LMO7: variants seen among roughly 807,000 people sequenced by gnomAD.
LMO7 encodes LIM domain only protein 7.
A neutral mutation model predicts 206.5 loss-of-function variants in LMO7; 120 were observed. The ratio of observed to expected loss-of-function variants is 0.58; its 90% CI spans 0.50 to 0.68. The LOEUF (loss-of-function observed/expected upper bound fraction) is 0.68. Among genes scored for constraint, LMO7 ranks in the 30% least tolerant of loss-of-function variants. The probability of loss-of-function intolerance (pLI) is 0.00; values close to 1 mark genes in which losing one functional copy is unlikely to be tolerated. For missense variants in LMO7, 1,959 were observed against 1,957.9 expected, an observed-to-expected ratio of 1.00 and a Z score of -0.01; for synonymous variants, 706 against 681.5, an observed-to-expected ratio of 1.04 and a Z score of -0.56.
intron 11 of LMO7, among the ~76,000 whole-genome samples, chr13:75,813,573 C>T (rs983241956): frequency 1.3e-5 from 2 of 152,050 alleles, no homozygotes; most frequent in African/African-American, 4.8e-5. Flanking sequence ...CTTTTTGTAC[C>T]CTAGGGAGTG....
chr13:75,854,283 A>G (rs1336728369), intron 28 of LMO7, among the ~76,000 whole-genome samples: 1 of 152,240 alleles, frequency 6.6e-6, no homozygotes, highest in Non-Finnish European at 1.5e-5. Flanking sequence ...CTTTCATAAG[A>G]AAACATGTTT....
intron 3 of LMO7, among the ~76,000 whole-genome samples, chr13:75,740,629 G>T (rs2046334670): frequency 6.6e-6 from 1 of 152,168 alleles, no homozygotes; most frequent in Non-Finnish European, 1.5e-5. Flanking sequence ...TGTTTGAGGA[G>T]AATATCTACC....
At chr13:75,837,138 T>C (rs2059193345) in intron 19 of LMO7, among the ~76,000 whole-genome samples, 1 of 152,224 alleles carries the variant, frequency 6.6e-6, no homozygotes, top group Non-Finnish European at 1.5e-5. Flanking sequence ...CACAGTGCTT[T>C]GGTGGCTTTA....
At position 75,817,148 on chromosome 13, in the gene LMO7, C is replaced by G; in HGVS notation, c.1947-13C>G. 5.0e-6 allele frequency: 8 copies of G among 1,592,830 alleles called. No homozygotes were observed. The highest frequency in any genetic ancestry group is 6.9e-6 in the Non-Finnish European group (8 of 1,161,632). Reference sequence around the variant, plus strand: ...GTGAACTTCCGTAGTAACCATGAGTCTTTTTGTTGTAGGAGTAAGTCCATG... The same window carrying G: ...GTGAACTTCCGTAGTAACCATGAGTGTTTTTGTTGTAGGAGTAAGTCCATG... On this transcript the variant is annotated splice_polypyrimidine_tract_variant and intron_variant, in intron 11 of 30. Coordinates refer to ENST00000377534, the MANE Select transcript of LMO7 (RefSeq NM_001306080.2).
At chr13:75,830,941 C>G (rs1173735740) in intron 15 of LMO7, among the ~76,000 whole-genome samples, 1 of 152,002 alleles carries the variant, frequency 6.6e-6, no homozygotes, top group Non-Finnish European at 1.5e-5. Context: ...GTCTGTTTGT[C>G]TCTCTTCCTT....
chr13:75,741,099 T>C (rs1449103905), intron 3 of LMO7, among the ~76,000 whole-genome samples: 2 of 152,224 alleles, frequency 1.3e-5, no homozygotes, highest in Non-Finnish European at 2.9e-5. Context: ...ATAAATTTGA[T>C]TAAAACTGCT....
chr13:75,838,293 A>T, intron 20 of LMO7, 97 bp downstream of exon 20: 1 of 1,544,586 alleles, frequency 6.5e-7, no homozygotes, highest in Non-Finnish European at 8.9e-7. Context: ...GAGCCTCTTC[A>T]ATTTGTCTGT....
chr13:75,689,625 G>A (rs1482410079), intron 1 of LMO7, among the ~76,000 whole-genome samples: 1 of 152,158 alleles, frequency 6.6e-6, no homozygotes, highest in East Asian at 1.9e-4. Flanking sequence ...GAATAAAGCA[G>A]GCAAAAGACG....
intron 1 of LMO7, among the ~76,000 whole-genome samples, chr13:75,662,740 T>C (rs577087522): frequency 4.6e-5 from 7 of 152,242 alleles, no homozygotes; most frequent in Non-Finnish European, 8.8e-5. Context: ...TCATTTACCT[T>C]TACATTCTTG....
intron 2 of LMO7, chr13:75,627,449 T>A (rs1205221469): frequency 1.3e-5 from 2 of 152,112 alleles, no homozygotes; most frequent in Non-Finnish European, 2.9e-5. Flanking sequence ...AGTTGAGGAG[T>A]ATCTGTATTA....
At chr13:75,841,250 G>A in intron 23 of LMO7, 49 bp downstream of exon 23, 1 of 1,223,524 alleles carries the variant, frequency 8.2e-7, no homozygotes, top group South Asian at 1.3e-5. Context: ...TACCTTGTTG[G>A]TGAGATTAGC....
chr13:75,809,106 A>G (rs982886827), intron 10 of LMO7, 48 bp from the exon 11 acceptor site: 1 of 1,446,426 alleles, frequency 6.9e-7, no homozygotes, highest in East Asian at 2.3e-5. Flanking sequence ...AGAAACTAAT[A>G]TGACTGGGAA....
intron 17 of LMO7, among the ~76,000 whole-genome samples, chr13:75,834,771 G>T (rs1484397182): frequency 1.3e-5 from 2 of 152,104 alleles, no homozygotes; most frequent in African/African-American, 2.4e-5. Context: ...AGCTTGGTAG[G>T]TCATATTTCT....
intron 1 of LMO7, among the ~76,000 whole-genome samples, chr13:75,675,887 T>TGC (rs2039965483): frequency 1.1e-5 from 1 of 88,320 alleles, no homozygotes; most frequent in Non-Finnish European, 2.6e-5. Flanking sequence ...TGCACGAGCG[T>TGC]GCACACACAC....
chr13:75,835,066 T>G, intron 17 of LMO7, 167 bp from the exon 18 acceptor site: 1 of 765,680 alleles, frequency 1.3e-6, no homozygotes, highest in East Asian at 3.3e-5. Flanking sequence ...ATGTAGATTT[T>G]TTTTTATATA....
intron 1 of LMO7, among the ~76,000 whole-genome samples, chr13:75,696,119 G>A (rs1352117267): frequency 6.6e-6 from 1 of 152,230 alleles, no homozygotes. Flanking sequence ...CACTTTGGGA[G>A]GTCAAGGCGG....
At chr13:75,820,458 A>G (rs1020414091) in intron 13 of LMO7, among the ~76,000 whole-genome samples, 1 of 152,208 alleles carries the variant, frequency 6.6e-6, no homozygotes, top group Admixed American at 6.5e-5. Flanking sequence ...AATCCTCACA[A>G]GACTGTCAAT....
At position 75,818,478 on chromosome 13, in the gene LMO7, C is replaced by T. The variant is rs1165185647; in HGVS notation, c.2065-915C>T. On this transcript the variant is annotated intron_variant, in intron 12 of 30. Coordinates refer to ENST00000377534, the MANE Select transcript of LMO7 (RefSeq NM_001306080.2). ...TCTTAGCAGTTCTCTATTTTGGAGACATGGAAAACTTTATACCTTGTAAAA... is the reference window on the plus strand; with the variant it reads ...TCTTAGCAGTTCTCTATTTTGGAGATATGGAAAACTTTATACCTTGTAAAA... 2.0e-5 allele frequency among the ~76,000 whole-genome samples: 3 copies of T among 152,204 alleles called. No homozygotes were observed. In the East Asian group the frequency reaches 5.8e-4, roughly 29 times the overall value.
chr13:75,743,444 C>T (rs1263789070), intron 3 of LMO7, among the ~76,000 whole-genome samples: 1 of 152,160 alleles, frequency 6.6e-6, no homozygotes, highest in African/African-American at 2.4e-5. Context: ...GACATGGAAT[C>T]AACCTAAATG....
Sources: gnomAD v4.1 joint callset for allele counts (sites outside exome capture counted in the v4.1 genomes callset) on GRCh38, gnomAD v4.1.1 for gene constraint, MANE v1.5 for transcripts, NCBI Gene and HGNC (gene_info 2026-07-23, HGNC 2026-07-21) for gene names.